The following CHRNA5 variants were observed in gnomAD, a reference collection of about 807,000 sequenced individuals.
CHRNA5 encodes the protein cholinergic receptor nicotinic alpha 5 subunit.
A neutral mutation model predicts 41.2 loss-of-function variants in CHRNA5; 28 were observed. That is an observed-to-expected ratio of 0.68 (90% CI 0.50 to 0.93). The LOEUF (loss-of-function observed/expected upper bound fraction) is 0.93, where lower values mean the gene tolerates loss of function less well. Among genes scored for constraint, CHRNA5 ranks in the 40% least tolerant of loss-of-function variants. CHRNA5 has a pLI of 0.00. For synonymous variants in CHRNA5, 188 were observed against 205.8 expected (o/e 0.91, Z 0.74); for missense variants, 481 against 581.9 (o/e 0.83, Z 1.78).
intron 1 of CHRNA5, among the ~76,000 whole-genome samples, chr15:78,574,049 G>A (rs374868600): frequency 7.6e-4 from 107 of 140,424 alleles, no homozygotes; most frequent in African/African-American, 2.7e-3. Flanking sequence ...TCCTAACCTC[G>A]TGATCCGCCC....
At chr15:78,581,020 T>A (rs1170909570) in intron 2 of CHRNA5, 58 bp downstream of exon 2, 3 of 1,534,028 alleles carry the variant, frequency 2.0e-6, no homozygotes, top group Non-Finnish European at 2.7e-6. Flanking sequence ...GAGCCTGGTG[T>A]GTGCCCAGGC....
intron 2 of CHRNA5, among the ~76,000 whole-genome samples, chr15:78,582,272 G>A (rs924163456): frequency 1.1e-4 from 16 of 152,070 alleles, no homozygotes; most frequent in African/African-American, 3.9e-4. Context: ...GATCACTTGA[G>A]GTCAGGAGTT....
chr15:78,571,578 CTTTTTT>C (rs34248937), intron 1 of CHRNA5, among the ~76,000 whole-genome samples: 1 of 116,618 alleles, frequency 8.6e-6, no homozygotes, highest in Non-Finnish European at 1.8e-5. Flanking sequence ...GATGCTCTGC[CTTTTTT>C]TTTTTTTTTT....
At chr15:78,573,062 A>G (rs1322919426) in intron 1 of CHRNA5, among the ~76,000 whole-genome samples, 1 of 152,226 alleles carries the variant, frequency 6.6e-6, no homozygotes, top group Non-Finnish European at 1.5e-5. Context: ...CTTATTAGCT[A>G]CTAGTGTCAC....
chr15:78,566,551 T>G (rs1204232504), intron 1 of CHRNA5, among the ~76,000 whole-genome samples: 1 of 152,228 alleles, frequency 6.6e-6, no homozygotes, highest in East Asian at 1.9e-4. Context: ...AACACGTTTG[T>G]GGAGCAGCTA....
chr15:78,572,596 G>T (rs1161815570), intron 1 of CHRNA5, among the ~76,000 whole-genome samples: 1 of 152,174 alleles, frequency 6.6e-6, no homozygotes, highest in Non-Finnish European at 1.5e-5. Flanking sequence ...TGATTCTCCT[G>T]CCTCAGCCTC....
At chr15:78,569,389 T>C (rs1371973928) in intron 1 of CHRNA5, among the ~76,000 whole-genome samples, 1 of 152,144 alleles carries the variant, frequency 6.6e-6, no homozygotes, top group African/African-American at 2.4e-5. Flanking sequence ...TTAAGTTCAC[T>C]ATTAAATAAG....
Position 78,575,952 on chromosome 15 carries a change from T to C in CHRNA5, c.107-4859T>C, listed in dbSNP as rs116174809. 4.6e-3 allele frequency among the ~76,000 whole-genome samples: 707 copies of C among 152,326 alleles called. 7 individuals carry two copies. The highest frequency in any genetic ancestry group is 0.016 in the African/African-American group (664 of 41,576). On this transcript the variant is annotated intron_variant, in intron 1 of 5. Transcript: ENST00000299565. ...CCTTTCTTTGGAGAAATGTCTAAGTTAATTTAGATCTCTTGCCCATTTAAA... is the reference window on the plus strand; with the variant it reads ...CCTTTCTTTGGAGAAATGTCTAAGTCAATTTAGATCTCTTGCCCATTTAAA...
intron 1 of CHRNA5, among the ~76,000 whole-genome samples, chr15:78,567,957 A>T (rs1567049107): frequency 6.6e-6 from 1 of 152,018 alleles, no homozygotes; most frequent in Non-Finnish European, 1.5e-5. Context: ...GAGACCTGCC[A>T]CTCGCTGTCT....
intron 1 of CHRNA5, among the ~76,000 whole-genome samples, chr15:78,569,518 C>T (rs1042341909): frequency 1.0e-4 from 15 of 149,912 alleles, no homozygotes; most frequent in Non-Finnish European, 1.9e-4. Context: ...ACTGCAAGCT[C>T]TGCCTCCCGG....
At chr15:78,586,761 CAGA>C in intron 3 of CHRNA5, 72 bp downstream of exon 3, 10 of 1,053,572 alleles carry the variant, frequency 9.5e-6, no homozygotes, top group Non-Finnish European at 1.3e-5. Context: ...TGTATTGTAG[CAGA>C]AATACAAGAG....
At chr15:78,577,723 A>G (rs961032036) in intron 1 of CHRNA5, among the ~76,000 whole-genome samples, 1 of 152,122 alleles carries the variant, frequency 6.6e-6, no homozygotes, top group African/African-American at 2.4e-5. Flanking sequence ...GCTTGAGCTC[A>G]GGAGTTCAAG....
exon 6 of CHRNA5, chr15:78,593,273 G>A (rs200919591): frequency 6.3e-7 from 1 of 1,588,270 alleles, no homozygotes; most frequent in Non-Finnish European, 8.6e-7. Flanking sequence ...AGGGACTGAA[G>A]TATACATTTA....
At position 78,577,712 on chromosome 15, in the gene CHRNA5, C is replaced by G. The variant is rs187871938; in HGVS notation, c.107-3099C>G. ...CTTTGGGAGGCAGAGGCTAGCAGAT[C>G]GCTTGAGCTCAGGAGTTCAAGACCA... On this transcript the variant is annotated intron_variant, in intron 1 of 5. Coordinates refer to ENST00000299565, the Ensembl canonical transcript of CHRNA5. Among the ~76,000 whole-genome samples the G allele has an allele frequency of 7.5e-4, 114 of 152,130 alleles. 1 individual carries two copies. The highest frequency in any genetic ancestry group is 2.6e-3 in the African/African-American group (108 of 41,512).
chr15:78,570,173 C>A (rs769966337), intron 1 of CHRNA5, among the ~76,000 whole-genome samples: 1 of 152,084 alleles, frequency 6.6e-6, no homozygotes, highest in African/African-American at 2.4e-5. Context: ...TTAAAATCAT[C>A]CTTTTCTGTT....
At chr15:78,575,648 T>C (rs1334748877) in intron 1 of CHRNA5, among the ~76,000 whole-genome samples, 1 of 152,206 alleles carries the variant, frequency 6.6e-6, no homozygotes. Flanking sequence ...GTCTATCAGT[T>C]ACCATTACTT....
intron 1 of CHRNA5, among the ~76,000 whole-genome samples, chr15:78,574,315 G>A (rs2052836522): frequency 6.6e-6 from 1 of 150,482 alleles, no homozygotes; most frequent in South Asian, 2.1e-4. Flanking sequence ...GGGAGGTGGA[G>A]GTTGCAGTGA....
chr15:78,579,722 G>A (rs2052893094), intron 1 of CHRNA5, among the ~76,000 whole-genome samples: 1 of 151,882 alleles, frequency 6.6e-6, no homozygotes, highest in Non-Finnish European at 1.5e-5. Context: ...ATTCACCATT[G>A]ACCTCACTGT....
chr15:78,587,332 A>G (rs1269892129), intron 3 of CHRNA5, among the ~76,000 whole-genome samples: 1 of 152,178 alleles, frequency 6.6e-6, no homozygotes, highest in East Asian at 1.9e-4. Context: ...TCGGGGGTGT[A>G]CTTATAAAAA....
Sources: allele counts gnomAD v4.1 joint callset (sites outside exome capture counted in the v4.1 genomes callset), GRCh38; gene constraint gnomAD v4.1.1; transcripts MANE v1.5; gene names NCBI Gene and HGNC (gene_info 2026-07-23, HGNC 2026-07-21).